P2RY8: variants seen among roughly 807,000 people sequenced by gnomAD.
P2RY8 encodes the protein S-geranylgeranyl-glutathione receptor P2RY8.
A neutral mutation model predicts 10.0 loss-of-function variants in P2RY8; 6 were observed. The observed-to-expected ratio is 0.60, with a 90% confidence interval of 0.33 to 1.19. The LOEUF (loss-of-function observed/expected upper bound fraction) is 1.19, where lower values mean the gene tolerates loss of function less well. P2RY8 is among the 50% of genes most tolerant of loss of function. The pLI, the probability that P2RY8 is intolerant of heterozygous loss-of-function variation, is 0.04. For missense variants in P2RY8, 456 were observed against 542.0 expected (o/e 0.84, Z 1.58); for synonymous variants, 276 against 252.5 (o/e 1.09, Z -0.88).
chrX:1,489,662 A>G (rs1301734585), intron 1 of P2RY8, among the ~76,000 whole-genome samples: 31 of 150,454 alleles, frequency 2.1e-4, no homozygotes, highest in African/African-American at 7.1e-4. Context: ...GAACGAATGA[A>G]TGATACCCCA....
chrX:1,498,140 C>G (rs2092134967), intron 1 of P2RY8, among the ~76,000 whole-genome samples: 1 of 152,034 alleles, frequency 6.6e-6, no homozygotes, highest in East Asian at 1.9e-4. Context: ...GGCGCGGTGG[C>G]TCACGCCTGT....
chrX:1,505,898 T>G (rs1217652870), intron 1 of P2RY8, among the ~76,000 whole-genome samples: 2 of 152,186 alleles, frequency 1.3e-5, no homozygotes, highest in African/African-American at 2.4e-5. Flanking sequence ...CCTTGAGTAT[T>G]GCATTTTTAA....
chrX:1,465,928 C>T lies in P2RY8; in HGVS notation c.631G>A (p.Ala211Thr). ...TTGAGGATGGTGGCCGTGTAACAAG[C>T]CACGGTGATCACGAACGGGATGAGG... ...LFLIPFVITV[A>T]CYTATILKLL... Residue 211 changes from alanine to threonine, a missense_variant, in exon 2 of 2, where the codon GCT becomes ACT. Transcript: ENST00000381297. 1 of 1,612,508 alleles carries T rather than the reference C, an allele frequency of 6.2e-7. No individual in the cohort carries two copies. The highest frequency in any genetic ancestry group is 8.5e-7 in the Non-Finnish European group (1 of 1,179,782).
At chrX:1,504,820 C>T in intron 1 of P2RY8, among the ~76,000 whole-genome samples, 1 of 151,716 alleles carries the variant, frequency 6.6e-6, no homozygotes, top group Admixed American at 6.6e-5. Context: ...AACCCTGTCT[C>T]TACTAATAAT....
intron 1 of P2RY8, among the ~76,000 whole-genome samples, chrX:1,528,825 T>C (rs1164473678): frequency 6.6e-6 from 1 of 152,178 alleles, no homozygotes; most frequent in Non-Finnish European, 1.5e-5. Context: ...TTTGAGTCTC[T>C]TTGAATGAGT....
rs187789719 is a variant in P2RY8, at chrX:1,487,835, G to A, written c.-24-21253C>T. ...CGGGTAAAAAAGAAGGCCGGGCCAG[G>A]CGCGGTGGCTCACGCCTGTCATCCC... is the stretch of plus-strand genomic sequence containing the variant. On this transcript the variant is annotated intron_variant, in intron 1 of 1. Transcript: ENST00000381297. Among the ~76,000 whole-genome samples, 926 of 152,316 alleles carry A rather than the reference G, an allele frequency of 6.1e-3. 4 individuals carry two copies. Among genetic ancestry groups the A allele is most frequent in the Admixed American group, 0.013 (198 of 15,300 alleles).
intron 1 of P2RY8, among the ~76,000 whole-genome samples, chrX:1,508,700 TCCATTCTATCTATCTA>T (rs1352112107): frequency 2.2e-5 from 2 of 91,344 alleles, no homozygotes; most frequent in African/African-American, 8.1e-5. Context: ...CATCCATCCA[TCCATTCTATCTATCTA>T]TCTATCTATC....
chrX:1,510,375 G>T (rs188652665), intron 1 of P2RY8, among the ~76,000 whole-genome samples: 1 of 152,250 alleles, frequency 6.6e-6, no homozygotes, highest in African/African-American at 2.4e-5. Context: ...AACGAGCCCT[G>T]GCTTGGAGAT....
intron 1 of P2RY8, among the ~76,000 whole-genome samples, chrX:1,504,416 G>C (rs1160017664): frequency 6.6e-6 from 1 of 152,084 alleles, no homozygotes; most frequent in East Asian, 1.9e-4. Flanking sequence ...ACCTGGATTT[G>C]AAAGCCTTTT....
At chrX:1,475,935 G>T (rs1389033206) in intron 1 of P2RY8, among the ~76,000 whole-genome samples, 12 of 152,180 alleles carry the variant, frequency 7.9e-5, no homozygotes. Flanking sequence ...CTCCTCACCT[G>T]CCATGGTTGC....
rs1347413824 is a variant in P2RY8, at chrX:1,515,111, A to G, written c.-25+21810T>C. Reference sequence around the variant, plus strand: ...TTTAGTAGAGATGGGGTTTCACCATATGTTGCCCAGGCTGGTCTCGAACTC... The same window carrying G: ...TTTAGTAGAGATGGGGTTTCACCATGTGTTGCCCAGGCTGGTCTCGAACTC... On this transcript the variant is annotated intron_variant, in intron 1 of 1. Coordinates refer to ENST00000381297, the MANE Select transcript of P2RY8 (RefSeq NM_178129.5). Among the ~76,000 whole-genome samples, 8 of 150,682 alleles carry G rather than the reference A, an allele frequency of 5.3e-5. No individual in the cohort carries two copies. In the South Asian group the frequency reaches 1.0e-3, roughly 20 times the overall value.
intron 1 of P2RY8, among the ~76,000 whole-genome samples, chrX:1,476,745 A>G (rs1413104794): frequency 6.6e-6 from 1 of 152,122 alleles, no homozygotes; most frequent in South Asian, 2.1e-4. Context: ...GGTTGCCACA[A>G]CTTAAGGAAG....
rs1360422120 is a variant in P2RY8 at position 1,475,186 on chromosome X, G to C, written c.-24-8604C>G. 3.3e-5 allele frequency among the ~76,000 whole-genome samples: 5 copies of C among 150,984 alleles called. No homozygotes were observed. In the South Asian group the frequency reaches 1.1e-3, roughly 32 times the overall value. Reference sequence around the variant, plus strand: ...GGGTGGATGAATGGATGGGTTGATGGGTAGATGGATGGGCAGATGTATGGA... The same window carrying C: ...GGGTGGATGAATGGATGGGTTGATGCGTAGATGGATGGGCAGATGTATGGA... On this transcript the variant is annotated intron_variant, in intron 1 of 1. Coordinates refer to ENST00000381297, the MANE Select transcript of P2RY8 (RefSeq NM_178129.5).
intron 1 of P2RY8, among the ~76,000 whole-genome samples, chrX:1,489,871 G>T (rs766363537): frequency 8.5e-5 from 2 of 23,484 alleles, no homozygotes; most frequent in South Asian, 3.6e-3. Context: ...AATGTGGAGG[G>T]AATGAATGAA....
At chrX:1,519,491 C>T (rs1355191343) in intron 1 of P2RY8, among the ~76,000 whole-genome samples, 2 of 151,606 alleles carry the variant, frequency 1.3e-5, no homozygotes, top group Admixed American at 1.3e-4. Flanking sequence ...CTCTCTGGTC[C>T]CCAATCATCT....
intron 1 of P2RY8, among the ~76,000 whole-genome samples, chrX:1,514,355 A>ATTTTCC (rs1342827035): frequency 1.2e-4 from 10 of 82,712 alleles, no homozygotes; most frequent in Admixed American, 4.0e-4. Context: ...CTTCCCTTTT[A>ATTTTCC]TTTTCCTTTT....
chrX:1,504,323 A>AAT (rs1267139621), intron 1 of P2RY8, among the ~76,000 whole-genome samples: 1 of 151,588 alleles, frequency 6.6e-6, no homozygotes, highest in Non-Finnish European at 1.5e-5. Flanking sequence ...GTCAAAAAAA[A>AAT]AAAAAGATTT....
chrX:1,500,207 T>C (rs2092164175), intron 1 of P2RY8, among the ~76,000 whole-genome samples: 1 of 151,962 alleles, frequency 6.6e-6, no homozygotes. Flanking sequence ...ACAAATCTAC[T>C]TTCATGATTA....
At chrX:1,477,187 T>C in intron 1 of P2RY8, among the ~76,000 whole-genome samples, 1 of 114,718 alleles carries the variant, frequency 8.7e-6, no homozygotes. Flanking sequence ...AGACTGCATC[T>C]CAAAAAAAAA....
Sources: gnomAD v4.1 joint callset for allele counts (sites outside exome capture counted in the v4.1 genomes callset) on GRCh38, gnomAD v4.1.1 for gene constraint, MANE v1.5 for transcripts, NCBI Gene and HGNC (gene_info 2026-07-23, HGNC 2026-07-21) for gene names.